Variants in NEDD9 observed in about 807,000 individuals in gnomAD.
NEDD9 encodes the protein neural precursor cell expressed, developmentally down-regulated 9, also known as enhancer of filamentation 1.
A neutral mutation model predicts 76.6 loss-of-function variants in NEDD9; 26 were observed. The observed-to-expected ratio is 0.34, with a 90% CI of 0.25 to 0.47. The LOEUF (loss-of-function observed/expected upper bound fraction) is 0.47, where lower values mean the gene tolerates loss of function less well. Ranked by LOEUF, NEDD9 falls within the 20% of genes least tolerant of loss-of-function variation. The pLI is 1.00. For missense variants in NEDD9, 937 were observed against 1,058.5 expected, an observed-to-expected ratio of 0.89 and a Z score of 1.59; for synonymous variants, 392 against 414.2, an observed-to-expected ratio of 0.95 and a Z score of 0.65.
chr6:11,217,656 T>C (rs539144566), intron 1 of NEDD9, among the ~76,000 whole-genome samples: 1 of 152,268 alleles, frequency 6.6e-6, no homozygotes, highest in East Asian at 1.9e-4. Context: ...CCTCAAGAAG[T>C]TAATGATTTG....
chr6:11,271,499 T>G (rs1256327625), intron 3 of NEDD9: 1 of 152,246 alleles, frequency 6.6e-6, no homozygotes, highest in Non-Finnish European at 1.5e-5. Context: ...TTGCACTTCT[T>G]GGAGGGCAAC....
chr6:11,194,395 T>A (rs3798728), intron 2 of NEDD9, among the ~76,000 whole-genome samples: 64,433 of 152,076 alleles, frequency 0.42, 13,901 homozygotes, highest in South Asian at 0.51. Context: ...TGAAACAATT[T>A]GTAAAATGAA....
At chr6:11,324,220 C>G (rs1320589326) in intron 2 of NEDD9, among the ~76,000 whole-genome samples, 1 of 152,174 alleles carries the variant, frequency 6.6e-6, no homozygotes, top group Non-Finnish European at 1.5e-5. Flanking sequence ...TCTTAGTTAA[C>G]CAGTAATCTG....
chr6:11,255,385 C>T (rs541075004), intron 3 of NEDD9, among the ~76,000 whole-genome samples: 3 of 152,144 alleles, frequency 2.0e-5, no homozygotes, highest in African/African-American at 4.8e-5. Flanking sequence ...TAAAGAACTA[C>T]GTAAAAGAAA....
At chr6:11,238,252 GA>G (rs1759647503) in intron 3 of NEDD9, among the ~76,000 whole-genome samples, 1 of 152,216 alleles carries the variant, frequency 6.6e-6, no homozygotes, top group East Asian at 1.9e-4. Context: ...CAAGACTGGA[GA>G]AGTTCTACAG....
At position 11,247,602 on chromosome 6, in the gene NEDD9, C is replaced by A. The variant is rs1485826881; in HGVS notation, c.13-33875G>T. Among the ~76,000 whole-genome samples the A allele has an allele frequency of 2.6e-5, 4 of 152,148 alleles. No individual in the cohort carries two copies. In the South Asian group the frequency reaches 8.3e-4, roughly 32 times the overall value. On this transcript the variant is annotated intron_variant, in intron 3 of 3. Transcript: ENST00000397378. ...GCCCATCAGCCATCACTCCCCATTT[C>A]CCCCCAGGCCCCAGACCTCTGGCAA...
chr6:11,325,617 A>C (rs1441082581), intron 2 of NEDD9, among the ~76,000 whole-genome samples: 1 of 152,226 alleles, frequency 6.6e-6, no homozygotes, highest in Admixed American at 6.5e-5. Context: ...GCGAATAAGA[A>C]TGATTTTAAA....
chr6:11,277,346 G>T (rs192725451), intron 3 of NEDD9, among the ~76,000 whole-genome samples: 29 of 152,348 alleles, frequency 1.9e-4, no homozygotes, highest in African/African-American at 6.7e-4. Context: ...TTGGAAGAAT[G>T]AAGCTTTTAT....
At chr6:11,360,601 C>T (rs1018144650) in intron 1 of NEDD9, among the ~76,000 whole-genome samples, 2 of 152,086 alleles carry the variant, frequency 1.3e-5, no homozygotes, top group African/African-American at 4.8e-5. Context: ...CTCTCTCTTC[C>T]TCCTGCTCCA....
chr6:11,251,443 G>A (rs540488691), intron 3 of NEDD9: 15 of 152,346 alleles, frequency 9.8e-5, no homozygotes, highest in African/African-American at 3.6e-4. Context: ...CTGTGCAGAA[G>A]TTATGTCCTG....
At chr6:11,369,577 A>G (rs969163748) in intron 1 of NEDD9, among the ~76,000 whole-genome samples, 5 of 152,212 alleles carry the variant, frequency 3.3e-5, no homozygotes, top group Non-Finnish European at 5.9e-5. Context: ...ACGTAAACTC[A>G]TTTTTAAATA....
intron 2 of NEDD9, among the ~76,000 whole-genome samples, chr6:11,207,008 A>AATACAT (rs1207537256): frequency 1.3e-5 from 2 of 152,242 alleles, no homozygotes; most frequent in Non-Finnish European, 2.9e-5. Flanking sequence ...TTTATGTAGA[A>AATACAT]ATGTACAATT....
In NEDD9 at chr6:11,342,997, T is replaced by C. The variant is rs185209671; in HGVS notation, c.-213-8436A>G. 4.1e-4 allele frequency among the ~76,000 whole-genome samples: 62 copies of C among 152,066 alleles called. 1 individual carries two copies. Among genetic ancestry groups the C allele is most frequent in the African/African-American group, 1.4e-3 (60 of 41,474 alleles). On this transcript the variant is annotated intron_variant, in intron 1 of 3. Transcript: ENST00000397378. ...AAGAAAGAGGGACGTTTCAAGGAAA[T>C]GGAAATTTTCTGTAGCTTGATTAGG...
At chr6:11,227,005 A>G (rs1044346465) in intron 1 of NEDD9, among the ~76,000 whole-genome samples, 3 of 152,176 alleles carry the variant, frequency 2.0e-5, no homozygotes, top group Non-Finnish European at 4.4e-5. Flanking sequence ...TTGTTTTTTT[A>G]CTATGCCATA....
chr6:11,259,775 T>G (rs147462711), intron 3 of NEDD9, among the ~76,000 whole-genome samples: 1,954 of 152,304 alleles, frequency 0.013, 21 homozygotes, highest in Non-Finnish European at 0.02. Flanking sequence ...AGGTATTGTT[T>G]TAAGATAAAG....
At chr6:11,188,047 C>T (rs1265397073) in intron 6 of NEDD9, among the ~76,000 whole-genome samples, 171 bp downstream of exon 6, 2 of 152,202 alleles carry the variant, frequency 1.3e-5, no homozygotes, top group African/African-American at 2.4e-5. Context: ...GTTGAACTAA[C>T]AAGGTCATAA....
chr6:11,346,481 C>CA (rs1762366362), intron 1 of NEDD9, among the ~76,000 whole-genome samples: 1 of 151,586 alleles, frequency 6.6e-6, no homozygotes, highest in Admixed American at 6.6e-5. Context: ...TCGGAGGCCC[C>CA]CCCCCCCGAG....
intron 3 of NEDD9, among the ~76,000 whole-genome samples, chr6:11,240,030 G>C (rs1402236904): frequency 5.7e-5 from 8 of 140,020 alleles, no homozygotes; most frequent in African/African-American, 2.2e-4. Context: ...GGGACAGAGC[G>C]AGACTTCATC....
At chr6:11,319,577 C>CGG (rs1761706866) in intron 2 of NEDD9, among the ~76,000 whole-genome samples, 2 of 147,642 alleles carry the variant, frequency 1.4e-5, no homozygotes, top group African/African-American at 5.0e-5. Context: ...CACTAATATG[C>CGG]ACTCACACTA....
Sources: allele counts gnomAD v4.1 joint callset (sites outside exome capture counted in the v4.1 genomes callset), GRCh38; gene constraint gnomAD v4.1.1; transcripts MANE v1.5; gene names NCBI Gene and HGNC (gene_info 2026-07-23, HGNC 2026-07-21).